KLHL29: variants seen among roughly 807,000 people sequenced by gnomAD.
KLHL29 encodes the protein kelch-like protein 29.
KLHL29 carries 21 observed loss-of-function variants against 80.4 expected under a neutral mutation model. The observed-to-expected ratio is 0.26, with a 90% CI of 0.19 to 0.38. The LOEUF (loss-of-function observed/expected upper bound fraction) is 0.38. Ranked by LOEUF, KLHL29 falls within the 10% of genes least tolerant of loss-of-function variation. The pLI is 1.00. For synonymous variants in KLHL29, 511 were observed against 526.8 expected, an observed-to-expected ratio of 0.97 and a Z score of 0.41; for missense variants, 867 against 1,223.9, an observed-to-expected ratio of 0.71 and a Z score of 4.35.
chr2:23,438,213 G>C (rs568059293), intron 1 of KLHL29, among the ~76,000 whole-genome samples: 4 of 151,250 alleles, frequency 2.6e-5, no homozygotes, highest in Non-Finnish European at 5.9e-5. Context: ...ATTTTGGGCT[G>C]AGATGATGGG....
intron 5 of KLHL29, among the ~76,000 whole-genome samples, chr2:23,670,960 CTCTCTCTCTCTCTCTCT>C: frequency 4.4e-5 from 1 of 22,792 alleles, no homozygotes; most frequent in Non-Finnish European, 1.2e-4. Flanking sequence ...CTCTCTCTCT[CTCTCTCTCTCTCTCTCT>C]CTCCCTCCCT....
chr2:23,653,206 G>T (rs1395078250), intron 5 of KLHL29, among the ~76,000 whole-genome samples: 2 of 152,176 alleles, frequency 1.3e-5, no homozygotes, highest in Admixed American at 1.3e-4. Context: ...CACTTTACAG[G>T]TGGGGAAACT....
chr2:23,670,812 C>T (rs1272493262), intron 5 of KLHL29, among the ~76,000 whole-genome samples: 1 of 151,846 alleles, frequency 6.6e-6, no homozygotes, highest in Non-Finnish European at 1.5e-5. Flanking sequence ...GGGGTGGGCC[C>T]AGAGAACCAG....
chr2:23,673,921 A>T (rs1670852339), intron 5 of KLHL29, among the ~76,000 whole-genome samples: 1 of 152,126 alleles, frequency 6.6e-6, no homozygotes, highest in Admixed American at 6.5e-5. Context: ...ACTCACAACC[A>T]TGTGTGCACA....
chr2:23,656,780 G>C (rs1254210465), intron 5 of KLHL29, among the ~76,000 whole-genome samples: 1 of 152,110 alleles, frequency 6.6e-6, no homozygotes. Context: ...CTGCAGAGGG[G>C]AGGAATTTCC....
At chr2:23,434,569 T>A (rs1455057100) in intron 1 of KLHL29, among the ~76,000 whole-genome samples, 1 of 152,194 alleles carries the variant, frequency 6.6e-6, no homozygotes, top group Non-Finnish European at 1.5e-5. Flanking sequence ...TTGGGCCTTG[T>A]AGACGGGAAG....
chr2:23,695,219 T>G lies in KLHL29; in HGVS notation c.1543-404T>G, dbSNP rs1671875606. Among the ~76,000 whole-genome samples the G allele has an allele frequency of 6.6e-6, 1 of 152,282 alleles. No homozygotes were observed. Among genetic ancestry groups the G allele is most frequent in the Admixed American group, 6.5e-5 (1 of 15,308 alleles). On this transcript the variant is annotated intron_variant, in intron 8 of 13. Coordinates refer to ENST00000486442, the MANE Select transcript of KLHL29 (RefSeq NM_052920.2). This position sits in a 1 kb window ranked among gnomAD's most constrained non-coding sequence, Gnocchi z 7.6. The stretch of plus-strand genomic sequence containing the variant: ...AAGCTTTCCTGGGTCCTCCCACCTG[T>G]TCCTGAGTCCTTGTCACACTCACAG...
intron 3 of KLHL29, among the ~76,000 whole-genome samples, chr2:23,583,085 G>A (rs187289199): frequency 1.3e-5 from 2 of 152,186 alleles, no homozygotes; most frequent in East Asian, 3.9e-4. Context: ...ACCAGAACTG[G>A]AAGAGGCAAA....
At chr2:23,561,872 G>A (rs150773039) in intron 2 of KLHL29, among the ~76,000 whole-genome samples, 101 of 152,230 alleles carry the variant, frequency 6.6e-4, no homozygotes, top group African/African-American at 2.2e-3. Context: ...GTCATTCAGG[G>A]CAGTGAGATG....
In KLHL29 at chr2:23,669,723, C is replaced by T. The variant is rs1670656777; in HGVS notation, c.941-14676C>T. Among the ~76,000 whole-genome samples the T allele has an allele frequency of 6.6e-6, 1 of 152,194 alleles. No homozygotes were observed. Among genetic ancestry groups the T allele is most frequent in the African/African-American group, 2.4e-5 (1 of 41,440 alleles). ...GCCACCCCCAGTCAGCCTCTGAGCACAGTGGCCGGTGCCCAGCTCATTTAG... is the reference window on the plus strand; with the variant it reads ...GCCACCCCCAGTCAGCCTCTGAGCATAGTGGCCGGTGCCCAGCTCATTTAG... On this transcript the variant is annotated intron_variant, in intron 5 of 13. Coordinates refer to ENST00000486442, the MANE Select transcript of KLHL29 (RefSeq NM_052920.2). This position sits in a 1 kb window ranked among gnomAD's most constrained non-coding sequence, Gnocchi z 4.3.
intron 1 of KLHL29, among the ~76,000 whole-genome samples, chr2:23,469,091 T>C (rs1664427718): frequency 6.6e-6 from 1 of 152,182 alleles, no homozygotes; most frequent in Admixed American, 6.5e-5. Context: ...TCCAGTCAAG[T>C]CTTGTTTAAA....
intron 5 of KLHL29, among the ~76,000 whole-genome samples, chr2:23,673,695 CCT>C (rs1439689041): frequency 4.0e-5 from 6 of 149,048 alleles, no homozygotes; most frequent in Non-Finnish European, 8.9e-5. Context: ...CATGCCACAT[CCT>C]CTCTCTCACA....
chr2:23,390,296 A>G (rs770977822), intron 1 of KLHL29, among the ~76,000 whole-genome samples: 1 of 152,150 alleles, frequency 6.6e-6, no homozygotes, highest in Non-Finnish European at 1.5e-5. Context: ...ATGAAATTCA[A>G]GTAGTTCAGA....
At chr2:23,496,845 C>T (rs1665279994) in intron 2 of KLHL29, among the ~76,000 whole-genome samples, 1 of 152,214 alleles carries the variant, frequency 6.6e-6, no homozygotes, top group Non-Finnish European at 1.5e-5. Flanking sequence ...GTGAGAGTCT[C>T]TCACATACCT....
intron 1 of KLHL29, among the ~76,000 whole-genome samples, chr2:23,396,760 G>A (rs1205148910): frequency 2.0e-5 from 3 of 152,208 alleles, no homozygotes; most frequent in African/African-American, 7.2e-5. Flanking sequence ...CCAAAGGGAA[G>A]CACCTAAGCT....
chr2:23,597,165 A>G (rs909208143), intron 3 of KLHL29, among the ~76,000 whole-genome samples: 4 of 151,670 alleles, frequency 2.6e-5, no homozygotes, highest in Non-Finnish European at 5.9e-5. Flanking sequence ...TTTTTCCAAT[A>G]TAATAGGTAG....
At chr2:23,693,663 G>A (rs1671764950) in intron 8 of KLHL29, 135 bp downstream of exon 8, 2 of 950,046 alleles carry the variant, frequency 2.1e-6, no homozygotes, top group African/African-American at 1.6e-5. Flanking sequence ...GTGAAGGGCG[G>A]GCAGAGAGGT....
chr2:23,393,456 G>A (rs749351795), intron 1 of KLHL29, among the ~76,000 whole-genome samples: 1 of 152,158 alleles, frequency 6.6e-6, no homozygotes, highest in Non-Finnish European at 1.5e-5. Context: ...CTGAGCATCC[G>A]TGCCGTCTGT....
rs2103426140 is a variant in KLHL29 at position 23,457,936 on chromosome 2, C to CT, written c.-153-17624_-153-17623insT. ...GTTGAGGCAGGAGAATGGCATGAAC[C>CT]AGGGAGGCGGAGCTTGCAGTGAACT... On this transcript the variant is annotated intron_variant, in intron 1 of 13. Coordinates refer to ENST00000486442, the MANE Select transcript of KLHL29 (RefSeq NM_052920.2). The surrounding 1 kb of genome is among the most constrained non-coding windows in gnomAD (Gnocchi z 4.3). Among the ~76,000 whole-genome samples, 1 of 152,220 alleles carries CT rather than the reference C, an allele frequency of 6.6e-6. No individual in the cohort carries two copies. The highest frequency in any genetic ancestry group is 1.5e-5 in the Non-Finnish European group (1 of 68,018).
Sources: gnomAD v4.1 joint callset for allele counts (sites outside exome capture counted in the v4.1 genomes callset) on GRCh38, gnomAD v4.1.1 for gene constraint, Gnocchi (gnomAD v3.1) non-coding constraint, MANE v1.5 for transcripts, NCBI Gene and HGNC (gene_info 2026-07-23, HGNC 2026-07-21) for gene names.